Variants in EGFL7 observed in about 807,000 individuals in gnomAD.
EGFL7 encodes the protein EGF like domain multiple 7.
EGFL7 carries 48 observed loss-of-function variants against 37.1 expected under a neutral mutation model. The ratio of observed to expected loss-of-function variants is 1.29; its 90% CI spans 1.03 to 1.65. EGFL7 has a LOEUF of 1.65. Among genes scored for constraint, EGFL7 ranks in the 40% most tolerant of loss-of-function variants. The pLI is 0.00. For missense variants in EGFL7, 384 were observed against 378.9 expected (o/e 1.01, Z -0.11); for synonymous variants, 180 against 156.8 (o/e 1.15, Z -1.10).
chr9:136,672,227 A>G, intron 10 of EGFL7, 37 bp from the exon 11 acceptor site: 1 of 1,613,152 alleles, frequency 6.2e-7, no homozygotes, highest in South Asian at 1.1e-5. Flanking sequence ...GGCTGTGGGG[A>G]GCAGTGATCT....
At position 136,666,102 on chromosome 9, in the gene EGFL7, G is replaced by A. The variant is rs1335811284; in HGVS notation, c.-43+1317G>A. On this transcript the variant is annotated intron_variant, in intron 3 of 10. Transcript: ENST00000308874. This position sits in a 1 kb window ranked among gnomAD's most constrained non-coding sequence, Gnocchi z 6.8. ...GGGCGGCGCGGCGGGGAGGGCCGGG[G>A]TCGCCGCGGCCCCTCGTCCGACCCG... 2.0e-5 allele frequency among the ~76,000 whole-genome samples: 3 copies of A among 147,210 alleles called. No individual in the cohort carries two copies. The highest frequency in any genetic ancestry group is 7.3e-5 in the African/African-American group (3 of 40,932).
At chr9:136,669,758 G>A in intron 6 of EGFL7, 37 bp downstream of exon 6, 2 of 1,509,878 alleles carry the variant, frequency 1.3e-6, no homozygotes, top group Admixed American at 2.0e-5. Flanking sequence ...GTGTTAGGAG[G>A]GCGACTGTTC....
Position 136,662,978 on chromosome 9 carries a change from G to C in EGFL7, c.-483G>C, listed in dbSNP as rs1845239381. ...AAGGGAGGCTCCTGTGGACAGGCCA[G>C]GCAGGTGGGCCTCAGGAGGTGCCTC... On this transcript the variant is annotated 5_prime_UTR_variant, in exon 1 of 11. Coordinates refer to ENST00000308874, the MANE Select transcript of EGFL7 (RefSeq NM_016215.5). 1 of 152,424 alleles carries C rather than the reference G, an allele frequency of 6.6e-6. No individual in the cohort carries two copies. Among genetic ancestry groups the C allele is most frequent in the Non-Finnish European group, 1.5e-5 (1 of 68,172 alleles). 9.4% of individuals were successfully genotyped at this position (152,424 alleles called of 1,614,324 possible). A position where few individuals can be genotyped will look rare whatever the true frequency, so the allele number is the denominator to read the frequency against.
In EGFL7 at chr9:136,666,922, C is replaced by T. The variant is rs1168515124; in HGVS notation, c.-42-1319C>T. The stretch of plus-strand genomic sequence containing the variant: ...AAACTGCTGTGATGCCCCCCCTGCC[C>T]CCAAGCTAAGTCCCCACCCCTCAGC... On this transcript the variant is annotated intron_variant, in intron 3 of 10. Transcript: ENST00000308874. The surrounding 1 kb of genome is among the most constrained non-coding windows in gnomAD (Gnocchi z 6.8). 1.3e-5 allele frequency among the ~76,000 whole-genome samples: 2 copies of T among 152,160 alleles called. No homozygotes were observed. Among genetic ancestry groups the T allele is most frequent in the Non-Finnish European group, 2.9e-5 (2 of 68,022 alleles).
At chr9:136,670,553 C>T (rs753351135) in intron 8 of EGFL7, 13 of 794,176 alleles carry the variant, frequency 1.6e-5, no homozygotes, top group Non-Finnish European at 2.3e-5. Flanking sequence ...TGCCCCGTCC[C>T]GGGGTCCTGT....
intron 9 of EGFL7, among the ~76,000 whole-genome samples, chr9:136,671,657 T>G (rs1845912482): frequency 6.7e-6 from 1 of 149,516 alleles, no homozygotes; most frequent in Admixed American, 6.6e-5. Flanking sequence ...CTCTTGCCAG[T>G]CTTCCCACTG....
chr9:136,671,041 G>A lies in EGFL7; in HGVS notation c.636+27G>A. 6.7e-6 allele frequency: 7 copies of A among 1,050,980 alleles called. 1 individual carries two copies. The highest frequency in any genetic ancestry group is 7.6e-6 in the Non-Finnish European group (6 of 789,972). The allele number at this position is 1,050,980 out of a possible 1,614,324, so 65.1% of individuals were successfully genotyped here. The stretch of plus-strand genomic sequence containing the variant: ...TGAGGCATTGGTGGGGGGGGGGGGG[G>A]GCAGGCAGTCCAGGGTGGACCTGCT... On this transcript the variant is annotated intron_variant, in intron 9 of 10. Transcript: ENST00000308874.
At chr9:136,662,125 C>G (rs537529490), upstream of EGFL7, among the ~76,000 whole-genome samples, 1 of 152,190 alleles carries the variant, frequency 6.6e-6, no homozygotes, top group Non-Finnish European at 1.5e-5. Flanking sequence ...ACAGAGCACC[C>G]CCTGTGATCA....
Position 136,668,496 on chromosome 9 carries a change from T to TC in EGFL7, c.81-58dup, listed in dbSNP as rs1489312309. The TC allele has an allele frequency of 2.6e-6, 4 of 1,568,104 alleles. No individual in the cohort carries two copies. The African/African-American group carries it at 4.0e-5, about 16-fold the overall frequency. ...TGAGGGTCCTGCCCCGGCCACATGT[T>TC]CCCATCATTCTTGGGTCCTGCTCTG... On this transcript the variant is annotated intron_variant, in intron 4 of 10. Coordinates refer to ENST00000308874, the MANE Select transcript of EGFL7 (RefSeq NM_016215.5).
intron 2 of EGFL7, among the ~76,000 whole-genome samples, chr9:136,664,050 C>T (rs578035701): frequency 7.0e-4 from 106 of 151,930 alleles, no homozygotes; most frequent in African/African-American, 2.5e-3. Context: ...GGCTCTCCCA[C>T]CCAGAGGCCC....
In EGFL7 at chr9:136,672,650, A is replaced by C; in HGVS notation, c.*364A>C. 1 of 385,100 alleles carries C rather than the reference A, an allele frequency of 2.6e-6. No homozygotes were observed. Among genetic ancestry groups the C allele is most frequent in the South Asian group, 4.9e-5 (1 of 20,612 alleles). 23.9% of individuals were successfully genotyped at this position (385,100 alleles called of 1,614,324 possible). A position where few individuals can be genotyped will look rare whatever the true frequency, so the allele number is the denominator to read the frequency against. On this transcript the variant is annotated 3_prime_UTR_variant, in exon 11 of 11. Transcript: ENST00000308874. ...GGGCCTCAGTGGGGGCTGCTGCCTG[A>C]CCCCCAGCACAATAAAAATGAAACG...
intron 3 of EGFL7, chr9:136,665,813 C>G (rs981292702): frequency 4.8e-5 from 7 of 145,102 alleles, no homozygotes; most frequent in Non-Finnish European, 1.1e-4. Flanking sequence ...GCCCCGGATC[C>G]GGCGGTGAGT....
chr9:136,670,697 A>G (rs750284468), intron 8 of EGFL7: 7 of 771,662 alleles, frequency 9.1e-6, no homozygotes, highest in South Asian at 8.2e-5. Context: ...CCGCATCGAA[A>G]ACGCCGCTGA....
At chr9:136,671,781 A>G (rs1255389572) in intron 9 of EGFL7, 145 bp from the exon 10 acceptor site, 3 of 1,114,888 alleles carry the variant, frequency 2.7e-6, no homozygotes, top group Non-Finnish European at 3.6e-6. Flanking sequence ...CTGCCACGGC[A>G]GCCCCCTCTA....
chr9:136,670,134 G>A (rs747496042), intron 7 of EGFL7, 35 bp from the exon 8 acceptor site: 74 of 1,612,040 alleles, frequency 4.6e-5, no homozygotes, highest in South Asian at 8.8e-5. Flanking sequence ...GACCCCTCCC[G>A]CAGGCATGGC....
At chr9:136,660,674 C>T (rs1173061808), upstream of EGFL7, among the ~76,000 whole-genome samples, 1 of 152,180 alleles carries the variant, frequency 6.6e-6, no homozygotes, top group South Asian at 2.1e-4. Flanking sequence ...CTTAGCAACT[C>T]GTGCACTCGG....
At chr9:136,667,622 A>G (rs1044875975) in intron 3 of EGFL7, among the ~76,000 whole-genome samples, 2 of 152,106 alleles carry the variant, frequency 1.3e-5, no homozygotes, top group Non-Finnish European at 2.9e-5. Flanking sequence ...CTGATTGCAC[A>G]CATATCCCAG....
chr9:136,665,180 G>A (rs1845382306), intron 3 of EGFL7, among the ~76,000 whole-genome samples: 1 of 152,352 alleles, frequency 6.6e-6, no homozygotes, highest in South Asian at 2.1e-4. Flanking sequence ...GCCTGAGAGA[G>A]GGCCAGGTGG....
chr9:136,660,103 G>T (rs567309867), upstream of EGFL7, among the ~76,000 whole-genome samples: 1 of 152,188 alleles, frequency 6.6e-6, no homozygotes, highest in South Asian at 2.1e-4. Flanking sequence ...AAGGACCGGA[G>T]GGTGAGGGAG....
Sources: gnomAD v4.1 joint callset for allele counts (sites outside exome capture counted in the v4.1 genomes callset) on GRCh38, gnomAD v4.1.1 for gene constraint, Gnocchi (gnomAD v3.1) non-coding constraint, MANE v1.5 for transcripts, NCBI Gene and HGNC (gene_info 2026-07-23, HGNC 2026-07-21) for gene names.